AVEN: variants seen among roughly 807,000 people sequenced by gnomAD.
AVEN encodes cell death regulator Aven.
A neutral mutation model predicts 38.1 loss-of-function variants in AVEN; 41 were observed. The observed-to-expected ratio is 1.08, with a 90% CI of 0.84 to 1.40. The LOEUF (loss-of-function observed/expected upper bound fraction) is 1.40. AVEN is among the 40% of genes most tolerant of loss of function. AVEN has a pLI of 0.00. For synonymous variants in AVEN, 206 were observed against 171.8 expected, an observed-to-expected ratio of 1.20 and a Z score of -1.56; for missense variants, 605 against 438.8, an observed-to-expected ratio of 1.38 and a Z score of -3.38.
At chr15:33,854,977 G>A, downstream of AVEN, 6 of 1,452,218 alleles carry the variant, frequency 4.1e-6, no homozygotes, top group Non-Finnish European at 5.6e-6. Flanking sequence ...AGAACAGCAG[G>A]TAGTATACAG....
At chr15:33,957,958 C>T (rs535476748) in intron 2 of AVEN, among the ~76,000 whole-genome samples, 2 of 152,128 alleles carry the variant, frequency 1.3e-5, no homozygotes, top group South Asian at 2.1e-4. Context: ...AATTCTCAGT[C>T]CTCACCCCAG....
chr15:34,020,913 C>T (rs1402340601), intron 1 of AVEN, among the ~76,000 whole-genome samples: 2 of 152,236 alleles, frequency 1.3e-5, no homozygotes, highest in Non-Finnish European at 2.9e-5. Flanking sequence ...TCCTTTTAAG[C>T]ACCTACCTTA....
rs546212978 is a variant in AVEN at position 33,883,651 on chromosome 15, C to T, written c.446-7656G>A. ...TAGAAATTAGTCAAAATAATTAATA[C>T]CTATTTTTAAAATGATTATCTCTCA... is the stretch of plus-strand genomic sequence containing the variant. On this transcript the variant is annotated intron_variant, in intron 2 of 5. Transcript: ENST00000306730. 3 of 152,114 alleles carry T rather than the reference C, an allele frequency of 2.0e-5. No individual in the cohort carries two copies. In the East Asian group the frequency reaches 5.8e-4, roughly 29 times the overall value. 9.4% of individuals were successfully genotyped at this position (152,114 alleles called of 1,614,324 possible).
At chr15:33,972,829 T>G (rs1895700004) in intron 2 of AVEN, among the ~76,000 whole-genome samples, 1 of 152,158 alleles carries the variant, frequency 6.6e-6, no homozygotes, top group Admixed American at 6.5e-5. Flanking sequence ...ATTCAGAGTA[T>G]CAGTCATTTG....
rs769848110 is a variant in AVEN, at chr15:34,063,147, C to G, written n.1412G>C. On this transcript the variant is annotated non_coding_transcript_exon_variant, in exon 5 of 12. Transcript: ENST00000675287. The surrounding 1 kb of genome is among the most constrained non-coding windows in gnomAD (Gnocchi z 4.1). ...CTTGACATATCGGGCCAAGCGTACT[C>G]CGAAAAGGGCTGGCATCATGATTGG... is the stretch of plus-strand genomic sequence containing the variant. 5 of 1,614,168 alleles carry G rather than the reference C, an allele frequency of 3.1e-6. No individual in the cohort carries two copies. In the East Asian group the frequency reaches 8.9e-5, roughly 29 times the overall value.
chr15:34,035,703 G>A (rs191066921), intron 1 of AVEN, among the ~76,000 whole-genome samples: 70 of 152,304 alleles, frequency 4.6e-4, no homozygotes, highest in African/African-American at 1.5e-3. Context: ...AGCTGGCCTT[G>A]TCTTCCTCTC....
At chr15:33,960,865 C>T (rs988508636) in intron 2 of AVEN, among the ~76,000 whole-genome samples, 1 of 152,328 alleles carries the variant, frequency 6.6e-6, no homozygotes. Context: ...TAGAACAATG[C>T]ACATGTTTTA....
At position 33,866,385 on chromosome 15, in the gene AVEN, C is replaced by G. The variant is rs141215257; in HGVS notation, c.*228G>C. ...CAAGGGCCAGAGTCTATCTCCTGCC[C>G]TTAAGGAAATCTATTAGATTACTAA... On this transcript the variant is annotated 3_prime_UTR_variant, in exon 6 of 6. Coordinates refer to ENST00000306730, the MANE Select transcript of AVEN (RefSeq NM_020371.3). The G allele has an allele frequency of 3.2e-3, 1,782 of 561,724 alleles. 6 individuals are homozygous for G. Among genetic ancestry groups the G allele is most frequent in the Admixed American group, 7.6e-3 (225 of 29,720 alleles). The allele number at this position is 561,724 out of a possible 1,614,324, so 34.8% of individuals were successfully genotyped here. A position where few individuals can be genotyped will look rare whatever the true frequency, so the allele number is the denominator to read the frequency against.
At chr15:33,875,009 C>T (rs139690302) in intron 3 of AVEN, among the ~76,000 whole-genome samples, 21 of 152,310 alleles carry the variant, frequency 1.4e-4, no homozygotes, top group East Asian at 1.9e-4. Flanking sequence ...ATATATAACA[C>T]GTTCTTTGTA....
chr15:33,885,361 T>C (rs961000072), intron 2 of AVEN, among the ~76,000 whole-genome samples: 2 of 152,180 alleles, frequency 1.3e-5, no homozygotes, highest in Admixed American at 6.5e-5. Context: ...AATCCACAGC[T>C]CAGCCTACAG....
chr15:33,876,836 A>T (rs1438301630), intron 2 of AVEN, among the ~76,000 whole-genome samples: 1 of 152,194 alleles, frequency 6.6e-6, no homozygotes, highest in Non-Finnish European at 1.5e-5. Flanking sequence ...AATTAATTCT[A>T]AAATGTAGCA....
chr15:33,893,534 T>G (rs2153041115), intron 2 of AVEN, among the ~76,000 whole-genome samples: 1 of 152,304 alleles, frequency 6.6e-6, no homozygotes, highest in East Asian at 1.9e-4. Flanking sequence ...GTACTCCAGC[T>G]TGGGTGGAAA....
chr15:34,048,022 C>CGTGT lies in AVEN; in HGVS notation n.1637+14896_1637+14899dup, dbSNP rs71119921. Among the ~76,000 whole-genome samples the CGTGT allele has an allele frequency of 9.2e-5, 14 of 151,468 alleles. 1 individual carries two copies. The highest frequency in any genetic ancestry group is 4.2e-4 in the South Asian group (2 of 4,792). On this transcript the variant is annotated intron_variant and non_coding_transcript_variant, in intron 5 of 11. Transcript: ENST00000675287. Reference sequence around the variant, plus strand: ...CAGGCACACATCACCACGTCCAGCTCGTGTGTGTGTGTGTTTGTGTGTGTG... The same window carrying CGTGT: ...CAGGCACACATCACCACGTCCAGCTCGTGTGTGTGTGTGTGTGTTTGTGTGTGTG...
intron 2 of AVEN, among the ~76,000 whole-genome samples, chr15:33,927,843 G>A (rs1893683666): frequency 6.6e-6 from 1 of 152,188 alleles, no homozygotes; most frequent in East Asian, 1.9e-4. Flanking sequence ...TAGATAAGGG[G>A]AAATTTGAGT....
At chr15:33,896,311 G>A (rs1429095138) in intron 2 of AVEN, among the ~76,000 whole-genome samples, 2 of 152,266 alleles carry the variant, frequency 1.3e-5, no homozygotes, top group East Asian at 3.9e-4. Flanking sequence ...GAAATTAGCA[G>A]AAAAGGACAT....
At chr15:34,011,468 C>T (rs61611317) in intron 1 of AVEN, among the ~76,000 whole-genome samples, 42,868 of 151,940 alleles carry the variant, frequency 0.28, 7,476 homozygotes, top group African/African-American at 0.49. Context: ...GAACAATGTA[C>T]ATAATAATAA....
In AVEN at chr15:34,038,224, G is replaced by A. The variant is rs1334034680; in HGVS notation, c.267+556C>T. Reference sequence around the variant, plus strand: ...GCTATTACAAAGAACTATGCATCTGGTCCCGCCCCCAAATACTAGAGTCCA... The same window carrying A: ...GCTATTACAAAGAACTATGCATCTGATCCCGCCCCCAAATACTAGAGTCCA... On this transcript the variant is annotated intron_variant, in intron 1 of 5. Transcript: ENST00000306730. 2.0e-5 allele frequency among the ~76,000 whole-genome samples: 3 copies of A among 152,294 alleles called. No homozygotes were observed. The East Asian group carries it at 5.8e-4, about 29-fold the overall frequency.
chr15:33,917,343 G>A (rs966820717), intron 2 of AVEN, among the ~76,000 whole-genome samples: 2 of 143,774 alleles, frequency 1.4e-5, no homozygotes, highest in African/African-American at 5.3e-5. Flanking sequence ...AATGGATAAA[G>A]AAAATGTGGT....
At chr15:33,958,602 AAAAAGGAAAAG>A in intron 2 of AVEN, among the ~76,000 whole-genome samples, 1 of 150,250 alleles carries the variant, frequency 6.7e-6, no homozygotes, top group South Asian at 2.1e-4. Flanking sequence ...AGAAAAAAAA[AAAAAGGAAAAG>A]AAAAGAAAGA....
Sources: allele counts gnomAD v4.1 joint callset (sites outside exome capture counted in the v4.1 genomes callset), GRCh38; gene constraint gnomAD v4.1.1; non-coding constraint Gnocchi (gnomAD v3.1); transcripts MANE v1.5; gene names NCBI Gene and HGNC (gene_info 2026-07-23, HGNC 2026-07-21).